Variants in MINPP1 observed in about 807,000 individuals in gnomAD.
MINPP1 encodes multiple inositol-polyphosphate phosphatase 1.
In MINPP1, 28 loss-of-function variants were observed where a neutral mutation model predicts 46.1. That is an observed-to-expected ratio of 0.61 (90% confidence interval 0.45 to 0.83). The LOEUF (loss-of-function observed/expected upper bound fraction) is 0.83. Among genes scored for constraint, MINPP1 ranks in the 40% least tolerant of loss-of-function variants. MINPP1 has a pLI of 0.00. For missense variants in MINPP1, 603 were observed against 610.0 expected, an observed-to-expected ratio of 0.99 and a Z score of 0.12; for synonymous variants, 268 against 249.1, an observed-to-expected ratio of 1.08 and a Z score of -0.72.
chr10:87,533,886 G>A (rs1589380810), intron 4 of MINPP1, among the ~76,000 whole-genome samples: 1 of 152,056 alleles, frequency 6.6e-6, no homozygotes, highest in South Asian at 2.1e-4. Context: ...ATTGTAACAG[G>A]GGAAACTTGC....
In MINPP1 at chr10:87,508,392, T is replaced by C. The variant is rs1181625917; in HGVS notation, c.694T>C (p.Cys232Arg). The C allele has an allele frequency of 1.2e-6, 2 of 1,613,468 alleles. No individual in the cohort carries two copies. Among genetic ancestry groups the C allele is most frequent in the East Asian group, 2.2e-5 (1 of 44,820 alleles). Reference sequence around the variant, plus strand: ...TAAACTAATGAGATTTTTTGATCACTGTGAGAAGTTTTTAACTGAAGTAGA... The same window carrying C: ...TAAACTAATGAGATTTTTTGATCACCGTGAGAAGTTTTTAACTGAAGTAGA... ...NDKLMRFFDHCEKFLTEVEKN... is the reference protein window; with the variant it reads ...NDKLMRFFDHREKFLTEVEKN... The change falls in exon 2 of 5, where the codon TGT becomes CGT. Residue 232 changes from cysteine to arginine, a missense_variant. Physicochemically the swap from Cys to Arg is radical, Grantham distance 180. Around this residue, in one of 3 missense-constraint regions of MINPP1, gnomAD observed 344 missense variants for 381.1 expected, o/e 0.90. Coordinates refer to ENST00000371996, the MANE Select transcript of MINPP1 (RefSeq NM_004897.5).
Position 87,505,195 on chromosome 10 carries a change from C to A in MINPP1, c.280C>A (p.Pro94Thr). 6.2e-7 allele frequency: 1 copy of A among 1,610,018 alleles called. No individual in the cohort carries two copies. Among genetic ancestry groups the A allele is most frequent in the Non-Finnish European group, 8.5e-7 (1 of 1,178,232 alleles). ...VALIRHGTRY[P>T]TVKQIRKLRQ... is the part of the protein sequence containing the mutation. ...CCTCATTCGCCACGGCACCCGCTAC[C>A]CCACGGTCAAACAGATCCGCAAGCT... Residue 94 changes from proline to threonine, a missense_variant, in exon 1 of 5, where the codon CCC becomes ACC. Pro to Thr is a conservative substitution (Grantham distance 38, BLOSUM62 -1). Coordinates refer to ENST00000371996, the MANE Select transcript of MINPP1 (RefSeq NM_004897.5). This position sits in a 1 kb window ranked among gnomAD's most constrained non-coding sequence, Gnocchi z 4.4.
chr10:87,545,134 T>G (rs1245251711), intron 4 of MINPP1, among the ~76,000 whole-genome samples: 1 of 152,074 alleles, frequency 6.6e-6, no homozygotes, highest in Non-Finnish European at 1.5e-5. Context: ...CTCCTTAGGG[T>G]TTCAGTTTTA....
intron 4 of MINPP1, among the ~76,000 whole-genome samples, chr10:87,545,019 C>T (rs1173056926): frequency 6.6e-6 from 1 of 152,106 alleles, no homozygotes; most frequent in Non-Finnish European, 1.5e-5. Flanking sequence ...GAAACCTCAA[C>T]CTAGACATTT....
chr10:87,534,862 T>G (rs1272766091), intron 4 of MINPP1, among the ~76,000 whole-genome samples: 1 of 152,204 alleles, frequency 6.6e-6, no homozygotes, highest in African/African-American at 2.4e-5. Flanking sequence ...TTCTACCACC[T>G]AAGAGGTTAG....
intron 3 of MINPP1, among the ~76,000 whole-genome samples, chr10:87,518,966 C>A (rs1304260967): frequency 6.6e-6 from 1 of 152,060 alleles, no homozygotes; most frequent in Non-Finnish European, 1.5e-5. Context: ...TTCCTTCCCC[C>A]CAGGATATGA....
At chr10:87,550,948 A>G (rs1441315719) in intron 4 of MINPP1, among the ~76,000 whole-genome samples, 2 of 152,014 alleles carry the variant, frequency 1.3e-5, no homozygotes, top group Non-Finnish European at 2.9e-5. Context: ...TTCAGCTGCT[A>G]TATCCAGTTC....
In MINPP1 at chr10:87,505,543, G is replaced by T; in HGVS notation, c.628G>T (p.Asp210Tyr). Residue 210 changes from aspartate to tyrosine, a missense_variant, in exon 1 of 5, where the codon GAC (aspartate) becomes TAC (tyrosine). Transcript: ENST00000371996. The surrounding 1 kb of genome is among the most constrained non-coding windows in gnomAD (Gnocchi z 4.4). ...CTACCACCCTGGCTTGCCGCCGCCG[G>T]ACGTCGCAGGTGACCCCCCGGGCGG... ...QHYHPGLPPPDVADMEFGPPT... is the reference protein window; with the variant it reads ...QHYHPGLPPPYVADMEFGPPT... 1 of 1,605,864 alleles carries T rather than the reference G, an allele frequency of 6.2e-7. No homozygotes were observed.
chr10:87,538,321 C>T (rs1851767650), intron 4 of MINPP1, among the ~76,000 whole-genome samples: 1 of 152,106 alleles, frequency 6.6e-6, no homozygotes, highest in Non-Finnish European at 1.5e-5. Flanking sequence ...GGGCGACTTC[C>T]CGAGCTGTTT....
rs1473827737 is a variant in MINPP1 at position 87,504,909 on chromosome 10, C to A, written c.-7C>A. The A allele has an allele frequency of 6.2e-7, 1 of 1,609,740 alleles. No individual in the cohort carries two copies. The highest frequency in any genetic ancestry group is 8.5e-7 in the Non-Finnish European group (1 of 1,179,098). ...TGGCTCGGCGCACTCCACTGACCGT[C>A]CCGACGATGCTACGCGCGCCCGGCT... On this transcript the variant is annotated 5_prime_UTR_variant, in exon 1 of 5. Coordinates refer to ENST00000371996, the MANE Select transcript of MINPP1 (RefSeq NM_004897.5).
chr10:87,530,649 C>T (rs756127105), intron 4 of MINPP1, among the ~76,000 whole-genome samples: 28 of 152,320 alleles, frequency 1.8e-4, no homozygotes, highest in Admixed American at 1.3e-3. Flanking sequence ...ACTTGGGGGT[C>T]AAGGACCCTC....
chr10:87,546,832 A>G (rs1851893820), intron 4 of MINPP1: 1 of 152,274 alleles, frequency 6.6e-6, no homozygotes, highest in Non-Finnish European at 1.5e-5. Flanking sequence ...TGGGAGGCCT[A>G]CGTGGGAAGA....
chr10:87,517,000 G>A (rs567719404), intron 3 of MINPP1, among the ~76,000 whole-genome samples: 2 of 151,960 alleles, frequency 1.3e-5, no homozygotes, highest in South Asian at 2.1e-4. Flanking sequence ...GATTTATTTG[G>A]GAGCTAAATG....
At chr10:87,549,700 T>A (rs1207293748) in intron 4 of MINPP1, among the ~76,000 whole-genome samples, 1 of 152,174 alleles carries the variant, frequency 6.6e-6, no homozygotes, top group East Asian at 1.9e-4. Context: ...GACAGTAAAT[T>A]CTTCTGGTTA....
rs1851218007 is a variant in MINPP1, at chr10:87,505,046, G to A, written c.131G>A (p.Ser44Asn). Residue 44 changes from serine (S) to asparagine (N), a missense_variant, in exon 1 of 5, where the codon AGC becomes AAC. Coordinates refer to ENST00000371996, the MANE Select transcript of MINPP1 (RefSeq NM_004897.5). The surrounding 1 kb of genome is among the most constrained non-coding windows in gnomAD (Gnocchi z 4.4). ...AGGGACCCGGTGGCCTCGTCGCTCA[G>A]CCCCTATTTCGGCACCAAGACTCGC... ...EPRDPVASSL[S>N]PYFGTKTRYE... 6.2e-7 allele frequency: 1 copy of A among 1,613,336 alleles called. No homozygotes were observed. Among genetic ancestry groups the A allele is most frequent in the Non-Finnish European group, 8.5e-7 (1 of 1,179,906 alleles).
At chr10:87,539,987 C>T (rs1851790779) in intron 4 of MINPP1, among the ~76,000 whole-genome samples, 1 of 152,252 alleles carries the variant, frequency 6.6e-6, no homozygotes. Flanking sequence ...ATACCTCAGC[C>T]TCCCAAGTAG....
chr10:87,509,761 A>G (rs564105588), intron 2 of MINPP1: 1 of 301,572 alleles, frequency 3.3e-6, no homozygotes, highest in Admixed American at 4.1e-5. Context: ...CCAGTCCAAA[A>G]TTCTATTTTT....
At chr10:87,522,828 A>G (rs1851521742) in intron 4 of MINPP1, among the ~76,000 whole-genome samples, 1 of 152,200 alleles carries the variant, frequency 6.6e-6, no homozygotes, top group South Asian at 2.1e-4. Flanking sequence ...TCTGTAACAC[A>G]TGATGCCGTT....
intron 4 of MINPP1, among the ~76,000 whole-genome samples, chr10:87,540,506 CA>C (rs1851800504): frequency 6.6e-6 from 1 of 151,564 alleles, no homozygotes; most frequent in African/African-American, 2.4e-5. Flanking sequence ...CACACACACA[CA>C]CACACACACA....
Sources: allele counts gnomAD v4.1 joint callset (sites outside exome capture counted in the v4.1 genomes callset), GRCh38; gene constraint gnomAD v4.1.1; regional missense constraint gnomAD v4.1.1; non-coding constraint Gnocchi (gnomAD v3.1); transcripts MANE v1.5; gene names NCBI Gene and HGNC (gene_info 2026-07-23, HGNC 2026-07-21).